The following TMC2 variants were observed in gnomAD, a reference collection of about 807,000 sequenced individuals.
TMC2 encodes the protein transmembrane channel-like protein 2.
In TMC2, 102 loss-of-function variants were observed where a neutral mutation model predicts 105.9. The ratio of observed to expected loss-of-function variants is 0.96; its 90% CI spans 0.82 to 1.14. The LOEUF (loss-of-function observed/expected upper bound fraction) is 1.14. TMC2 is among the 50% of genes most tolerant of loss of function. The pLI, the probability that TMC2 is intolerant of heterozygous loss-of-function variation, is 0.00. For synonymous variants in TMC2, 402 were observed against 422.8 expected, an observed-to-expected ratio of 0.95 and a Z score of 0.60; for missense variants, 1,093 against 1,134.3, an observed-to-expected ratio of 0.96 and a Z score of 0.52.
In TMC2 at chr20:2,612,197, A is replaced by G; in HGVS notation, c.1600A>G (p.Asn534Asp). ...LMDDVHLKLA[N>D]EETIKNITHW... Reference sequence around the variant, plus strand: ...CCTCCATCTTCTGTTCTAGCTTGCTAATGAAGAGACAATAAAGAACATCAC... The same window carrying G: ...CCTCCATCTTCTGTTCTAGCTTGCTGATGAAGAGACAATAAAGAACATCAC... The change falls in exon 13 of 20, where the codon AAT becomes GAT. Residue 534 changes from asparagine (N) to aspartate (D), a missense_variant. By Grantham distance (23) the Asn-to-Asp change is conservative (BLOSUM62 1). Transcript: ENST00000358864. 3.7e-6 allele frequency: 6 copies of G among 1,604,158 alleles called. No homozygotes were observed. Among genetic ancestry groups the G allele is most frequent in the Non-Finnish European group, 5.1e-6 (6 of 1,173,654 alleles).
At position 2,616,323 on chromosome 20, in the gene TMC2, T is replaced by A. The variant is rs4621228; in HGVS notation, c.1940+119T>A. Reference sequence around the variant, plus strand: ...GATAAGTCCTCTTGCCTCTCTGAACTCCCCTCTTTCACATGAAAAATCAAG... The same window carrying A: ...GATAAGTCCTCTTGCCTCTCTGAACACCCCTCTTTCACATGAAAAATCAAG... On this transcript the variant is annotated intron_variant, in intron 15 of 19. Transcript: ENST00000358864. This position sits in a 1 kb window ranked among gnomAD's most constrained non-coding sequence, Gnocchi z 4.8. 0.64 allele frequency: 501,271 copies of A among 779,580 alleles called. 163,906 individuals carry two copies. The highest frequency in any genetic ancestry group is 0.69 in the Admixed American group (36,183 of 52,712). 48.3% of individuals were successfully genotyped at this position (779,580 alleles called of 1,614,324 possible).
At chr20:2,571,767 G>A (rs1220048483) in intron 4 of TMC2, among the ~76,000 whole-genome samples, 8 of 152,194 alleles carry the variant, frequency 5.3e-5, no homozygotes, top group African/African-American at 7.2e-5. Flanking sequence ...TTGGGAGGCC[G>A]AGGCAGGTGA....
In TMC2 at chr20:2,641,700, A is replaced by G. The variant is rs973567701; in HGVS notation, c.*349A>G. On this transcript the variant is annotated 3_prime_UTR_variant, in exon 20 of 20. Transcript: ENST00000358864. ...CACCCTCGTAGACTTTTTCCATGGG[A>G]TACAGTTTAGGACACGGGTTTCTGC... The G allele has an allele frequency of 2.0e-5, 5 of 246,304 alleles. No homozygotes were observed. The highest frequency in any genetic ancestry group is 1.1e-4 in the African/African-American group (5 of 45,596). 15.3% of individuals were successfully genotyped at this position (246,304 alleles called of 1,614,324 possible). A position where few individuals can be genotyped will look rare whatever the true frequency, so the allele number is the denominator to read the frequency against.
intron 5 of TMC2, 142 bp from the exon 6 acceptor site, chr20:2,579,004 C>G: frequency 1.6e-6 from 1 of 625,502 alleles, no homozygotes; most frequent in Middle Eastern, 2.6e-4. Flanking sequence ...TCAAGGACAG[C>G]AGGAGCTGGG....
At chr20:2,566,488 C>T (rs2086065365) in intron 4 of TMC2, among the ~76,000 whole-genome samples, 1 of 152,192 alleles carries the variant, frequency 6.6e-6, no homozygotes, top group Non-Finnish European at 1.5e-5. Flanking sequence ...GGGATATTTG[C>T]TTTAATCATA....
chr20:2,609,347 T>C (rs944424075), intron 11 of TMC2, among the ~76,000 whole-genome samples: 2 of 152,002 alleles, frequency 1.3e-5, no homozygotes, highest in African/African-American at 2.4e-5. Flanking sequence ...GGCCTCTCTG[T>C]AGGATGGGAG....
rs550169504 is a variant in TMC2 at position 2,539,283 on chromosome 20, G to A, written c.82+1967G>A. On this transcript the variant is annotated intron_variant, in intron 2 of 19. Coordinates refer to ENST00000358864, the MANE Select transcript of TMC2 (RefSeq NM_080751.3). ...GAGAAAAAAACAGCTTATTTTCTGT[G>A]TTGAAGAGGTCTGGGGAAGATTGAA... Among the ~76,000 whole-genome samples the A allele has an allele frequency of 6.0e-4, 91 of 152,304 alleles. 4 individuals are homozygous for A. In the South Asian group the frequency reaches 0.018, roughly 31 times the overall value.
rs757763126 is a variant in TMC2, at chr20:2,613,213, T to C, written c.1763T>C (p.Val588Ala). ...CTGCAGGAATTCATGAGGCTGACGG[T>C]GTCTGACATGCTGGTAACGTACATC... is the stretch of plus-strand genomic sequence containing the variant. ...AVGIEFMRLT[V>A]SDMLVTYITI... is the part of the protein sequence containing the mutation. Residue 588 changes from valine to alanine, a missense_variant, in exon 14 of 20, where the codon GTG (valine) becomes GCG (alanine). Val to Ala is a moderately conservative substitution (Grantham distance 64). Coordinates refer to ENST00000358864, the MANE Select transcript of TMC2 (RefSeq NM_080751.3). 6.2e-7 allele frequency: 1 copy of C among 1,613,748 alleles called. No individual in the cohort carries two copies. Among genetic ancestry groups the C allele is most frequent in the Non-Finnish European group, 8.5e-7 (1 of 1,179,704 alleles).
At chr20:2,584,990 C>A (rs978113734) in intron 7 of TMC2, among the ~76,000 whole-genome samples, 3 of 152,188 alleles carry the variant, frequency 2.0e-5, no homozygotes, top group Admixed American at 6.5e-5. Flanking sequence ...AGCTCCCAGC[C>A]CTTGACAACC....
chr20:2,614,777 AAC>A (rs2086467773), intron 14 of TMC2, among the ~76,000 whole-genome samples: 1 of 151,996 alleles, frequency 6.6e-6, no homozygotes, highest in African/African-American at 2.4e-5. Context: ...GAGACTTTCA[AAC>A]ACACTGGGGG....
chr20:2,640,239 G>A (rs1402490600), intron 19 of TMC2, among the ~76,000 whole-genome samples: 1 of 152,108 alleles, frequency 6.6e-6, no homozygotes, highest in Non-Finnish European at 1.5e-5. Flanking sequence ...CAAGTGATCC[G>A]CCTCAAACGG....
intron 14 of TMC2, 54 bp downstream of exon 14, chr20:2,613,376 T>C (rs764895713): frequency 3.6e-5 from 58 of 1,611,876 alleles, no homozygotes; most frequent in Non-Finnish European, 1.0e-5. Flanking sequence ...CTATCTTCTT[T>C]GATACTTATA....
At chr20:2,611,886 G>GTGGGTGGATGGA (rs2086442625) in intron 12 of TMC2, among the ~76,000 whole-genome samples, 7 of 87,508 alleles carry the variant, frequency 8.0e-5, no homozygotes, top group African/African-American at 2.6e-4. Context: ...GGGTGGGTGG[G>GTGGGTGGATGGA]TGGATGGATG....
chr20:2,590,792 T>C (rs944365377), intron 7 of TMC2, among the ~76,000 whole-genome samples: 1 of 152,036 alleles, frequency 6.6e-6, no homozygotes, highest in Non-Finnish European at 1.5e-5. Flanking sequence ...TAGAATCTAA[T>C]AAACAAGTAT....
chr20:2,536,766 A>G lies in TMC2; in HGVS notation c.34+111A>G, dbSNP rs1224632728. On this transcript the variant is annotated intron_variant, in intron 1 of 19. Coordinates refer to ENST00000358864, the MANE Select transcript of TMC2 (RefSeq NM_080751.3). Reference sequence around the variant, plus strand: ...GAGGCATAGGGAGGAGCTGGGTTTGAGTCCAGGGCCTGTCCCCTGTGCGCT... The same window carrying G: ...GAGGCATAGGGAGGAGCTGGGTTTGGGTCCAGGGCCTGTCCCCTGTGCGCT... 8 of 1,224,638 alleles carry G rather than the reference A, an allele frequency of 6.5e-6. No individual in the cohort carries two copies. In the East Asian group the frequency reaches 2.0e-4, roughly 31 times the overall value. The allele number at this position is 1,224,638 out of a possible 1,614,324, so 75.9% of individuals were successfully genotyped here. A position where few individuals can be genotyped will look rare whatever the true frequency, so the allele number is the denominator to read the frequency against.
rs1201867257 is a variant in TMC2 at position 2,617,281 on chromosome 20, T to C, written c.2150T>C (p.Leu717Pro). The C allele has an allele frequency of 6.2e-7, 1 of 1,614,160 alleles. No individual in the cohort carries two copies. Among genetic ancestry groups the C allele is most frequent in the South Asian group, 1.1e-5 (1 of 91,078 alleles). The change falls in exon 16 of 20, where the codon CTC (leucine) becomes CCC (proline). Residue 717 changes from leucine (L) to proline (P), a missense_variant. By Grantham distance (98) the Leu-to-Pro change is moderately conservative (BLOSUM62 -3). Transcript: ENST00000358864. ...LLPVAYTIMS[L>P]PPSFDCGPFS... ...CCGGTGGCCTACACCATCATGTCCC[T>C]CCCACCCTCCTTTGACTGCGGGCCG...
intron 12 of TMC2, 36 bp downstream of exon 12, chr20:2,610,634 C>G: frequency 1.5e-6 from 2 of 1,339,986 alleles, no homozygotes; most frequent in Non-Finnish European, 2.0e-6. Flanking sequence ...CACTGCAATT[C>G]CTGGTGCCCA....
rs1034726300 is a variant in TMC2 at position 2,558,401 on chromosome 20, T to C, written c.83-55T>C. ...TCTGATTTCTCACGGCCGGGGACAT[T>C]TTCCTGGGCCTGAGGCCGTTGGAAC... On this transcript the variant is annotated intron_variant, in intron 2 of 19. Transcript: ENST00000358864. This position sits in a 1 kb window ranked among gnomAD's most constrained non-coding sequence, Gnocchi z 4.6. 2.3e-5 allele frequency: 35 copies of C among 1,545,176 alleles called. No homozygotes were observed. In the African/African-American group the frequency reaches 4.0e-4, roughly 18 times the overall value.
intron 17 of TMC2, among the ~76,000 whole-genome samples, chr20:2,625,874 G>A (rs546687640): frequency 3.3e-5 from 5 of 152,204 alleles, no homozygotes; most frequent in South Asian, 2.1e-4. Context: ...CCAACTCTCC[G>A]GTGAAATTCT....
Sources: gnomAD v4.1 joint callset for allele counts (sites outside exome capture counted in the v4.1 genomes callset) on GRCh38, gnomAD v4.1.1 for gene constraint, Gnocchi (gnomAD v3.1) non-coding constraint, MANE v1.5 for transcripts, NCBI Gene and HGNC (gene_info 2026-07-23, HGNC 2026-07-21) for gene names.